PARD3B: variants seen among roughly 807,000 people sequenced by gnomAD.
PARD3B encodes partitioning defective 3 homolog B.
In PARD3B, 103 loss-of-function variants were observed where a neutral mutation model predicts 130.2. That is an observed-to-expected ratio of 0.79 (90% confidence interval 0.67 to 0.93). The LOEUF is 0.93. PARD3B is among the 40% of genes least tolerant of loss of function. The pLI, the probability that PARD3B is intolerant of heterozygous loss-of-function variation, is 0.00. For synonymous variants in PARD3B, 583 were observed against 553.2 expected (o/e 1.05, Z -0.76); for missense variants, 1,609 against 1,499.2 (o/e 1.07, Z -1.21).
intron 10 of PARD3B, among the ~76,000 whole-genome samples, chr2:205,154,782 A>C (rs2034002087): frequency 6.6e-6 from 1 of 152,210 alleles, no homozygotes; most frequent in Non-Finnish European, 1.5e-5. Flanking sequence ...CATTCTGAGC[A>C]AACTATCGCA....
intron 20 of PARD3B, among the ~76,000 whole-genome samples, chr2:205,462,302 G>A (rs2048477280): frequency 6.6e-6 from 1 of 152,192 alleles, no homozygotes; most frequent in African/African-American, 2.4e-5. Flanking sequence ...AGTTTGCTGA[G>A]TCTCAAATTG....
At chr2:204,798,579 A>G (rs2042456875) in intron 2 of PARD3B, among the ~76,000 whole-genome samples, 1 of 152,142 alleles carries the variant, frequency 6.6e-6, no homozygotes, top group South Asian at 2.1e-4. Flanking sequence ...AGCGCTTGCC[A>G]TCACTCCTGC....
At chr2:205,148,434 G>A (rs2033521290) in intron 10 of PARD3B, among the ~76,000 whole-genome samples, 1 of 151,998 alleles carries the variant, frequency 6.6e-6, no homozygotes, top group Admixed American at 6.6e-5. Context: ...CCTACTCTAG[G>A]ATGATATCCA....
At chr2:205,138,065 G>A (rs1002124549) in intron 10 of PARD3B, among the ~76,000 whole-genome samples, 5 of 152,278 alleles carry the variant, frequency 3.3e-5, no homozygotes, top group East Asian at 3.9e-4. Flanking sequence ...TTCTATAGCC[G>A]AATAAGTATT....
intron 1 of PARD3B, among the ~76,000 whole-genome samples, chr2:204,626,523 T>C (rs1032098997): frequency 6.6e-6 from 1 of 152,026 alleles, no homozygotes; most frequent in Admixed American, 6.6e-5. Context: ...TGAATACAGA[T>C]AGACGATAAA....
At position 205,445,637 on chromosome 2, in the gene PARD3B, C is replaced by T. The variant is rs1575043664; in HGVS notation, c.3044+4965C>T. On this transcript the variant is annotated intron_variant, in intron 20 of 22. Transcript: ENST00000406610. ...AATCATCTCCCACCAGGCCCCACTT[C>T]CAACACTGGGGATTACAATTTGACA... 2.0e-5 allele frequency among the ~76,000 whole-genome samples: 3 copies of T among 152,284 alleles called. No homozygotes were observed. In the South Asian group the frequency reaches 6.2e-4, roughly 32 times the overall value.
chr2:205,205,781 T>A (rs1215389146), intron 15 of PARD3B, among the ~76,000 whole-genome samples: 1 of 152,214 alleles, frequency 6.6e-6, no homozygotes, highest in Non-Finnish European at 1.5e-5. Context: ...CAGCCTTGCA[T>A]CCCAGGGATG....
chr2:204,988,998 G>A (rs920094110), intron 3 of PARD3B, among the ~76,000 whole-genome samples: 2 of 152,218 alleles, frequency 1.3e-5, no homozygotes, highest in African/African-American at 2.4e-5. Context: ...TAGGCACTGG[G>A]TGGTAAACCT....
intron 22 of PARD3B, among the ~76,000 whole-genome samples, chr2:205,567,957 TG>T: frequency 6.6e-6 from 1 of 152,288 alleles, no homozygotes; most frequent in Middle Eastern, 3.4e-3. Flanking sequence ...TTGCCCCACC[TG>T]GGGGCAAGCA....
rs1007540364 is a variant in PARD3B at position 205,572,821 on chromosome 2, A to G, written c.3260+19418A>G. ...AAACTGTTTATGTGGTCCCTACAAA[A>G]GATGCTGAAAGCCTGAAATGAGGAC... is the stretch of plus-strand genomic sequence containing the variant. On this transcript the variant is annotated intron_variant, in intron 22 of 22. Transcript: ENST00000406610. The surrounding 1 kb of genome is among the most constrained non-coding windows in gnomAD (Gnocchi z 4.2). 2.0e-5 allele frequency among the ~76,000 whole-genome samples: 3 copies of G among 152,224 alleles called. No homozygotes were observed. The highest frequency in any genetic ancestry group is 7.2e-5 in the African/African-American group (3 of 41,472).
intron 16 of PARD3B, among the ~76,000 whole-genome samples, chr2:205,250,616 T>C (rs1574503301): frequency 6.6e-6 from 1 of 152,122 alleles, no homozygotes; most frequent in East Asian, 1.9e-4. Context: ...ATGAAAAAAC[T>C]GAAGCTCAGG....
chr2:204,855,941 A>G (rs1292645022), intron 2 of PARD3B, among the ~76,000 whole-genome samples: 2 of 152,186 alleles, frequency 1.3e-5, no homozygotes, highest in Non-Finnish European at 2.9e-5. Context: ...TTCTTTATTC[A>G]TTCATTTGTT....
chr2:204,843,674 C>T (rs2044342430), intron 2 of PARD3B, among the ~76,000 whole-genome samples: 1 of 152,240 alleles, frequency 6.6e-6, no homozygotes, highest in African/African-American at 2.4e-5. Flanking sequence ...CGCGCCCAGT[C>T]CAGAACTCAG....
intron 6 of PARD3B, among the ~76,000 whole-genome samples, chr2:205,114,130 C>G (rs1187285953): frequency 1.3e-5 from 2 of 152,046 alleles, no homozygotes. Flanking sequence ...TTACCACATC[C>G]TTTTGGAATT....
Position 205,325,521 on chromosome 2 carries a change from G to A in PARD3B, c.2630+23820G>A, listed in dbSNP as rs2042908522. ...GATAGTTTACTAATATCATCTCATT[G>A]TTTATTAGTAGTAGTAGTAGTAGTA... On this transcript the variant is annotated intron_variant, in intron 18 of 22. Transcript: ENST00000406610. This position sits in a 1 kb window ranked among gnomAD's most constrained non-coding sequence, Gnocchi z 4.1. Among the ~76,000 whole-genome samples the A allele has an allele frequency of 1.6e-5, 1 of 63,814 alleles. No individual in the cohort carries two copies. The allele number at this position is 63,814 out of a possible 152,430, so 41.9% of individuals were successfully genotyped here.
chr2:205,356,755 G>A (rs941988541), intron 18 of PARD3B, among the ~76,000 whole-genome samples: 26 of 151,948 alleles, frequency 1.7e-4, no homozygotes, highest in African/African-American at 6.3e-4. Flanking sequence ...GTCGGGTGTG[G>A]TAGCAGGCAC....
intron 16 of PARD3B, among the ~76,000 whole-genome samples, chr2:205,266,073 T>C (rs1365521297): frequency 6.6e-6 from 1 of 152,090 alleles, no homozygotes; most frequent in Non-Finnish European, 1.5e-5. Flanking sequence ...ACATAGCTTC[T>C]TATCAGATTG....
At chr2:204,719,221 T>A (rs995660231) in intron 2 of PARD3B, among the ~76,000 whole-genome samples, 1 of 152,196 alleles carries the variant, frequency 6.6e-6, no homozygotes, top group African/African-American at 2.4e-5. Flanking sequence ...TAATGGAAAG[T>A]ATTTTGTTAT....
chr2:205,324,913 T>G (rs1457183744), intron 18 of PARD3B, among the ~76,000 whole-genome samples: 1 of 152,202 alleles, frequency 6.6e-6, no homozygotes, highest in Non-Finnish European at 1.5e-5. Context: ...TGCTTGTTTA[T>G]CCTTACCAAG....
Sources: allele counts gnomAD v4.1 joint callset (sites outside exome capture counted in the v4.1 genomes callset), GRCh38; gene constraint gnomAD v4.1.1; non-coding constraint Gnocchi (gnomAD v3.1); transcripts MANE v1.5; gene names NCBI Gene and HGNC (gene_info 2026-07-23, HGNC 2026-07-21).